The following THSD7B variants were observed in gnomAD, a reference collection of about 807,000 sequenced individuals.
THSD7B encodes thrombospondin type-1 domain-containing protein 7B.
In THSD7B, 138 loss-of-function variants were observed where a neutral mutation model predicts 213.6. The observed-to-expected ratio is 0.65, with a 90% CI of 0.56 to 0.74. The LOEUF (loss-of-function observed/expected upper bound fraction) is 0.74, where lower values mean the gene tolerates loss of function less well. Ranked by LOEUF, THSD7B falls within the 30% of genes least tolerant of loss-of-function variation. The pLI is 0.00. For missense variants in THSD7B, 1,931 were observed against 1,991.5 expected, an observed-to-expected ratio of 0.97 and a Z score of 0.58; for synonymous variants, 742 against 687.0, an observed-to-expected ratio of 1.08 and a Z score of -1.25.
At chr2:137,269,269 A>G (rs1682678317) in intron 10 of THSD7B, among the ~76,000 whole-genome samples, 1 of 152,204 alleles carries the variant, frequency 6.6e-6, no homozygotes, top group Non-Finnish European at 1.5e-5. Flanking sequence ...ACTCCATCTG[A>G]ATATCTGTAG....
At chr2:137,628,374 T>C (rs376407318) in intron 20 of THSD7B, among the ~76,000 whole-genome samples, 3 of 152,234 alleles carry the variant, frequency 2.0e-5, no homozygotes, top group African/African-American at 7.2e-5. Context: ...TATTTTTTAA[T>C]CCATAAACAA....
intron 1 of THSD7B, among the ~76,000 whole-genome samples, chr2:136,849,106 A>C (rs1683055635): frequency 6.6e-6 from 1 of 152,124 alleles, no homozygotes; most frequent in Non-Finnish European, 1.5e-5. Flanking sequence ...AAAGACTTGC[A>C]TTTTCTTTAT....
rs571188589 is a variant in THSD7B, at chr2:136,797,802, C to T, written c.-36+32115C>T. On this transcript the variant is annotated intron_variant, in intron 1 of 27. Coordinates refer to ENST00000409968, the MANE Select transcript of THSD7B (RefSeq NM_001316349.2). Reference sequence around the variant, plus strand: ...GTACCTTAGAAGGAAAATGACATTGCCAAGTACTCTCTACCATATGCAAAT... The same window carrying T: ...GTACCTTAGAAGGAAAATGACATTGTCAAGTACTCTCTACCATATGCAAAT... Among the ~76,000 whole-genome samples the T allele has an allele frequency of 3.3e-5, 5 of 152,006 alleles. No individual in the cohort carries two copies. In the South Asian group the frequency reaches 1.0e-3, roughly 32 times the overall value.
chr2:136,833,207 T>C (rs924949164), intron 1 of THSD7B, among the ~76,000 whole-genome samples: 1 of 151,722 alleles, frequency 6.6e-6, no homozygotes, highest in African/African-American at 2.4e-5. Flanking sequence ...CTACTAAAAA[T>C]ACCAAAAATT....
At chr2:137,648,465 G>A (rs1573764989) in intron 21 of THSD7B, among the ~76,000 whole-genome samples, 1 of 152,136 alleles carries the variant, frequency 6.6e-6, no homozygotes, top group East Asian at 1.9e-4. Context: ...TTCCACATAT[G>A]AGTGAGAACA....
At chr2:136,925,628 GTTTTC>G (rs1445516474) in intron 2 of THSD7B, among the ~76,000 whole-genome samples, 1 of 152,116 alleles carries the variant, frequency 6.6e-6, no homozygotes, top group Non-Finnish European at 1.5e-5. Flanking sequence ...TTGGTCTATA[GTTTTC>G]TTTTCTTGCT....
At chr2:137,102,653 A>G (rs1227833664) in intron 4 of THSD7B, among the ~76,000 whole-genome samples, 1 of 152,160 alleles carries the variant, frequency 6.6e-6, no homozygotes, top group Non-Finnish European at 1.5e-5. Flanking sequence ...GTTTAAAGGA[A>G]TCTCACTAAC....
At chr2:136,887,522 T>C (rs60418279) in intron 2 of THSD7B, among the ~76,000 whole-genome samples, 1 of 152,018 alleles carries the variant, frequency 6.6e-6, no homozygotes, top group African/African-American at 2.4e-5. Context: ...AGTGAGTGAG[T>C]TCTTGCTTTA....
intron 14 of THSD7B, among the ~76,000 whole-genome samples, chr2:137,444,173 G>A (rs1342287827): frequency 6.6e-6 from 1 of 151,954 alleles, no homozygotes; most frequent in African/African-American, 2.4e-5. Context: ...AAACAAGGTT[G>A]GAAGCATCTT....
At chr2:137,592,110 T>A (rs904331518) in intron 17 of THSD7B, among the ~76,000 whole-genome samples, 1 of 151,858 alleles carries the variant, frequency 6.6e-6, no homozygotes, top group African/African-American at 2.4e-5. Context: ...GGACTATGCC[T>A]TGTATTTTTC....
chr2:137,159,399 G>T (rs1244483039), intron 5 of THSD7B, among the ~76,000 whole-genome samples: 6 of 151,718 alleles, frequency 4.0e-5, no homozygotes, highest in Non-Finnish European at 8.8e-5. Context: ...CTGCACTCCA[G>T]CCTGGGTGAC....
intron 2 of THSD7B, among the ~76,000 whole-genome samples, chr2:136,904,417 C>T (rs1426414803): frequency 6.6e-6 from 1 of 152,188 alleles, no homozygotes; most frequent in African/African-American, 2.4e-5. Flanking sequence ...ACCCCAACCA[C>T]TGGAAGGGTT....
intron 12 of THSD7B, among the ~76,000 whole-genome samples, chr2:137,335,970 C>A (rs2104900664): frequency 6.6e-6 from 1 of 151,862 alleles, no homozygotes; most frequent in South Asian, 2.1e-4. Flanking sequence ...TTTCTGATAG[C>A]AAGCTATTCC....
At chr2:137,055,364 C>T (rs990963851) in intron 2 of THSD7B, among the ~76,000 whole-genome samples, 7 of 152,280 alleles carry the variant, frequency 4.6e-5, no homozygotes, top group African/African-American at 1.4e-4. Flanking sequence ...GGAATCACCA[C>T]ACTGTCTTTC....
chr2:137,228,884 A>G (rs1681576468), intron 7 of THSD7B, among the ~76,000 whole-genome samples: 3 of 152,196 alleles, frequency 2.0e-5, no homozygotes, highest in African/African-American at 7.2e-5. Flanking sequence ...TATGCCTTGG[A>G]CATAGTATTT....
chr2:136,960,767 G>C, intron 2 of THSD7B, among the ~76,000 whole-genome samples: 1 of 152,190 alleles, frequency 6.6e-6, no homozygotes, highest in Middle Eastern at 3.4e-3. Context: ...TGTGGACTCA[G>C]AGGGAAGAAA....
intron 7 of THSD7B, among the ~76,000 whole-genome samples, chr2:137,183,101 A>G (rs1680485383): frequency 6.6e-6 from 1 of 152,196 alleles, no homozygotes; most frequent in Non-Finnish European, 1.5e-5. Context: ...GCAATTGATT[A>G]TCTCTCAGAG....
chr2:137,549,339 A>G (rs951695721), intron 15 of THSD7B, among the ~76,000 whole-genome samples: 1 of 122,538 alleles, frequency 8.2e-6, no homozygotes, highest in African/African-American at 3.2e-5. Flanking sequence ...TTTTTTTGCA[A>G]CAGAGATAGA....
intron 1 of THSD7B, among the ~76,000 whole-genome samples, chr2:136,770,597 G>A (rs766590875): frequency 5.1e-4 from 78 of 152,234 alleles, no homozygotes; most frequent in Non-Finnish European, 4.3e-4. Flanking sequence ...TCACCCACCT[G>A]GTATGGCAAA....
Sources: gnomAD v4.1 joint callset for allele counts (sites outside exome capture counted in the v4.1 genomes callset) on GRCh38, gnomAD v4.1.1 for gene constraint, MANE v1.5 for transcripts, NCBI Gene and HGNC (gene_info 2026-07-23, HGNC 2026-07-21) for gene names.